Variants in KIT observed in about 807,000 individuals in gnomAD.
The protein encoded by KIT is KIT proto-oncogene, receptor tyrosine kinase, also known as mast/stem cell growth factor receptor Kit.
A neutral mutation model predicts 105.7 loss-of-function variants in KIT; 16 were observed. That is an observed-to-expected ratio of 0.15 (90% CI 0.10 to 0.23). KIT has a LOEUF of 0.23. KIT is among the 10% of genes least tolerant of loss of function. The probability of loss-of-function intolerance (pLI) is 1.00; values close to 1 mark genes in which losing one functional copy is unlikely to be tolerated. For missense variants in KIT, 858 were observed against 1,213.8 expected, an observed-to-expected ratio of 0.71 and a Z score of 4.36; for synonymous variants, 438 against 441.1, an observed-to-expected ratio of 0.99 and a Z score of 0.09.
chr4:54,718,083 G>A (rs1275559056), intron 7 of KIT, among the ~76,000 whole-genome samples: 1 of 152,134 alleles, frequency 6.6e-6, no homozygotes. Context: ...GAATTGGCCT[G>A]TAGCCTGTTT....
intron 1 of KIT, among the ~76,000 whole-genome samples, chr4:54,680,377 C>T (rs1362018942): frequency 3.8e-5 from 5 of 132,434 alleles, no homozygotes; most frequent in African/African-American, 1.4e-4. Flanking sequence ...TTGAAGTTTT[C>T]ATTCGTCCTT....
rs1228358480 is a variant in KIT at position 54,695,499 on chromosome 4, T to C, written c.68-13T>C. 6.2e-7 allele frequency: 1 copy of C among 1,614,012 alleles called. No homozygotes were observed. Among genetic ancestry groups the C allele is most frequent in the South Asian group, 1.1e-5 (1 of 91,066 alleles). ...GAAGATCATACTCAACACGATTCTG[T>C]TTTTCTTGGCAGGCTCTTCTCAACC... is the stretch of plus-strand genomic sequence containing the variant. On this transcript the variant is annotated splice_polypyrimidine_tract_variant and intron_variant, in intron 1 of 20. Transcript: ENST00000288135.
chr4:54,680,120 A>G lies in KIT; in HGVS notation c.68-15392A>G, dbSNP rs538137065. On this transcript the variant is annotated intron_variant, in intron 1 of 20. Transcript: ENST00000288135. The stretch of plus-strand genomic sequence containing the variant: ...CAACAATGTGAATGTACTTAATGCC[A>G]CTGAACTGTATACTTGCAAGGTTAA... Among the ~76,000 whole-genome samples, 22 of 152,306 alleles carry G rather than the reference A, an allele frequency of 1.4e-4. No homozygotes were observed. In the South Asian group the frequency reaches 3.9e-3, roughly 27 times the overall value.
intron 14 of KIT, among the ~76,000 whole-genome samples, chr4:54,730,682 G>T (rs1208497277): frequency 3.3e-5 from 5 of 152,026 alleles, no homozygotes; most frequent in Admixed American, 1.3e-4. Context: ...TGTTCTTTGT[G>T]CTTTGGGATC....
At chr4:54,735,479 A>T (rs1722878944) in intron 17 of KIT, among the ~76,000 whole-genome samples, 1 of 152,126 alleles carries the variant, frequency 6.6e-6, no homozygotes, top group Non-Finnish European at 1.5e-5. Context: ...TCCAGAATGC[A>T]TCTAAAAGGA....
intron 2 of KIT, among the ~76,000 whole-genome samples, chr4:54,696,184 G>A (rs573998946): frequency 8.5e-5 from 13 of 152,130 alleles, no homozygotes; most frequent in Admixed American, 4.6e-4. Flanking sequence ...CCGACACTTC[G>A]AAAGATGTGG....
At chr4:54,685,044 C>A (rs1245321807) in intron 1 of KIT, among the ~76,000 whole-genome samples, 2 of 152,170 alleles carry the variant, frequency 1.3e-5, no homozygotes, top group African/African-American at 2.4e-5. Context: ...TTGCACCAAC[C>A]TTCTATAGAA....
chr4:54,704,282 T>TG (rs1720644693), intron 5 of KIT, among the ~76,000 whole-genome samples: 1 of 152,244 alleles, frequency 6.6e-6, no homozygotes, highest in South Asian at 2.1e-4. Context: ...CTGAAACTTT[T>TG]GGTAGGGGCT....
chr4:54,690,770 T>C (rs567832328), intron 1 of KIT, among the ~76,000 whole-genome samples: 1 of 152,332 alleles, frequency 6.6e-6, no homozygotes, highest in East Asian at 1.9e-4. Context: ...GAATACCTTT[T>C]TGAAAGGCGT....
chr4:54,713,507 G>T (rs575592006), intron 7 of KIT, among the ~76,000 whole-genome samples: 2 of 152,232 alleles, frequency 1.3e-5, no homozygotes, highest in South Asian at 4.2e-4. Context: ...AAGGACAAAA[G>T]GGATTGTGTT....
At position 54,658,023 on chromosome 4, in the gene KIT, C is replaced by G. The variant is rs755780019; in HGVS notation, c.9C>G (p.Gly3=). The G allele has an allele frequency of 8.1e-6, 13 of 1,613,746 alleles. No individual in the cohort carries two copies. Among genetic ancestry groups the G allele is most frequent in the Non-Finnish European group, 1.1e-5 (13 of 1,179,862 alleles). MR[G]ARGAWDFLCV... The stretch of plus-strand genomic sequence containing the variant: ...CCATCGCAGCTACCGCGATGAGAGG[C>G]GCTCGCGGCGCCTGGGATTTTCTCT... Residue 3 remains glycine, a synonymous_variant, in exon 1 of 21, where the codon GGC becomes GGG. Transcript: ENST00000288135.
intron 16 of KIT, 74 bp from the exon 17 acceptor site, chr4:54,732,996 T>G: frequency 1.5e-6 from 2 of 1,293,866 alleles, no homozygotes; most frequent in South Asian, 2.4e-5. Flanking sequence ...CACTATAGTA[T>G]TAAAAAGTTA....
At chr4:54,707,560 C>T (rs998261250) in intron 6 of KIT, among the ~76,000 whole-genome samples, 11 of 152,088 alleles carry the variant, frequency 7.2e-5, no homozygotes, top group Non-Finnish European at 1.6e-4. Flanking sequence ...GAGCTTAGCT[C>T]AAAGCAGTAA....
At chr4:54,710,656 G>C (rs927863324) in intron 7 of KIT, among the ~76,000 whole-genome samples, 1 of 151,748 alleles carries the variant, frequency 6.6e-6, no homozygotes, top group Non-Finnish European at 1.5e-5. Context: ...TGATTCTCCT[G>C]CCACAGCCTC....
At chr4:54,723,827 T>C in intron 8 of KIT, 129 bp downstream of exon 8, 1 of 714,380 alleles carries the variant, frequency 1.4e-6, no homozygotes, top group South Asian at 1.6e-5. Flanking sequence ...TTTCTAGCCA[T>C]GTGGCTTTTT....
rs755132246 is a variant in KIT at position 54,731,285 on chromosome 4, A to G, written c.2142-43A>G. ...GCATGACCCATGAGTGCCCTTCTAC[A>G]TGTCCCACTTGATTCAGTCATGACT... is the stretch of plus-strand genomic sequence containing the variant. On this transcript the variant is annotated intron_variant, in intron 14 of 20. Coordinates refer to ENST00000288135, the MANE Select transcript of KIT (RefSeq NM_000222.3). 9.4e-6 allele frequency: 13 copies of G among 1,387,290 alleles called. No homozygotes were observed. The East Asian group carries it at 2.1e-4, about 22-fold the overall frequency. 85.9% of individuals were successfully genotyped at this position (1,387,290 alleles called of 1,614,324 possible).
At position 54,698,412 on chromosome 4, in the gene KIT, C is replaced by A. The variant is rs878853767; in HGVS notation, c.466C>A (p.Leu156Ile). ...YSLKGCQGKP[L>I]PKDLRFIPDP... ...CCTCAAGGGGTGCCAGGGGAAGCCT[C>A]TTCCCAAGGACTTGAGGTTTATTCC... is the stretch of plus-strand genomic sequence containing the variant. Residue 156 changes from leucine to isoleucine, a missense_variant, in exon 3 of 21, where the codon CTT (leucine) becomes ATT (isoleucine). By Grantham distance (5) the Leu-to-Ile change is conservative. Transcript: ENST00000288135. 1.9e-6 allele frequency: 3 copies of A among 1,614,186 alleles called. No homozygotes were observed. Among genetic ancestry groups the A allele is most frequent in the Non-Finnish European group, 2.5e-6 (3 of 1,180,040 alleles).
Position 54,731,943 on chromosome 4 carries a change from TG to T in KIT, c.2307del (p.Leu769PhefsTer2). Reference sequence around the variant, plus strand: ...GAGTTGGCCCTAGACTTAGAAGACTTGCTGAGCTTTTCTTACCAGGTGGCAA... The same window carrying T: ...GAGTTGGCCCTAGACTTAGAAGACTTCTGAGCTTTTCTTACCAGGTGGCAA... ...DDELALDLED[L>X]LSFSYQVAKG... On this transcript the variant is annotated frameshift_variant, in exon 16 of 21. Transcript: ENST00000288135. LOFTEE classifies it high-confidence loss of function. 6.2e-7 allele frequency: 1 copy of T among 1,613,830 alleles called. No individual in the cohort carries two copies. The highest frequency in any genetic ancestry group is 8.5e-7 in the Non-Finnish European group (1 of 1,179,796).
rs1560427460 is a variant in KIT at position 54,739,420 on chromosome 4, T to G, written c.*863T>G. 1.3e-5 allele frequency: 3 copies of G among 233,336 alleles called. No individual in the cohort carries two copies. The highest frequency in any genetic ancestry group is 6.6e-5 in the African/African-American group (3 of 45,332). 14.5% of individuals were successfully genotyped at this position (233,336 alleles called of 1,614,324 possible). On this transcript the variant is annotated 3_prime_UTR_variant, in exon 21 of 21. Coordinates refer to ENST00000288135, the MANE Select transcript of KIT (RefSeq NM_000222.3). ...ACCACAAAGCACAGTTTGAACAAAATCTCCTCTTTTAGCTGATGAACTTAT... is the reference window on the plus strand; with the variant it reads ...ACCACAAAGCACAGTTTGAACAAAAGCTCCTCTTTTAGCTGATGAACTTAT...
Sources: allele counts gnomAD v4.1 joint callset (sites outside exome capture counted in the v4.1 genomes callset), GRCh38; gene constraint gnomAD v4.1.1; transcripts MANE v1.5; gene names NCBI Gene and HGNC (gene_info 2026-07-23, HGNC 2026-07-21).